LRRC7: variants seen among roughly 807,000 people sequenced by gnomAD.
LRRC7 encodes leucine-rich repeat-containing protein 7.
LRRC7 carries 23 observed loss-of-function variants against 175.7 expected under a neutral mutation model. That is an observed-to-expected ratio of 0.13 (90% CI 0.09 to 0.19). The LOEUF (loss-of-function observed/expected upper bound fraction) is 0.19, where lower values mean the gene tolerates loss of function less well. LRRC7 is among the 10% of genes least tolerant of loss of function. LRRC7 has a pLI of 1.00. For missense variants in LRRC7, 1,354 were observed against 1,904.7 expected (o/e 0.71, Z 5.38); for synonymous variants, 685 against 680.9 (o/e 1.01, Z -0.09).
chr1:69,576,270 A>C (rs1645946099), intron 1 of LRRC7, among the ~76,000 whole-genome samples: 1 of 151,870 alleles, frequency 6.6e-6, no homozygotes, highest in African/African-American at 2.4e-5. Flanking sequence ...AAATAGTAAG[A>C]TCCTTCCTTC....
intron 2 of LRRC7, among the ~76,000 whole-genome samples, chr1:69,704,265 A>T (rs972342442): frequency 6.6e-6 from 1 of 151,960 alleles, no homozygotes; most frequent in Non-Finnish European, 1.5e-5. Flanking sequence ...GATAAAGGGA[A>T]ATACAATTAT....
chr1:69,710,276 C>T (rs1468357293), intron 2 of LRRC7, among the ~76,000 whole-genome samples: 1 of 39,986 alleles, frequency 2.5e-5, no homozygotes, highest in Non-Finnish European at 4.5e-5. Flanking sequence ...AAGACTCCGT[C>T]TCAAAAAAAA....
intron 16 of LRRC7, among the ~76,000 whole-genome samples, chr1:70,022,827 G>A (rs1388645641): frequency 6.6e-6 from 1 of 152,010 alleles, no homozygotes; most frequent in Non-Finnish European, 1.5e-5. Context: ...TAATTTACAT[G>A]AAATTTAAAA....
At chr1:70,035,193 CAT>C (rs1380797441) in intron 18 of LRRC7, among the ~76,000 whole-genome samples, 2 of 152,066 alleles carry the variant, frequency 1.3e-5, no homozygotes, top group Non-Finnish European at 2.9e-5. Context: ...GAAAAGAAGA[CAT>C]AACGATAGCT....
chr1:69,612,356 C>G (rs1045147422), intron 1 of LRRC7, among the ~76,000 whole-genome samples: 1 of 152,074 alleles, frequency 6.6e-6, no homozygotes, highest in Non-Finnish European at 1.5e-5. Flanking sequence ...TATTTCATTT[C>G]GCTAGACTTA....
At chr1:69,759,762 T>C (rs909976834) in intron 2 of LRRC7, among the ~76,000 whole-genome samples, 2 of 152,052 alleles carry the variant, frequency 1.3e-5, no homozygotes, top group Non-Finnish European at 2.9e-5. Flanking sequence ...TGAATATTTT[T>C]ACAGAAATGG....
At chr1:69,644,243 GA>G (rs200188918) in intron 1 of LRRC7, among the ~76,000 whole-genome samples, 11,311 of 76,830 alleles carry the variant, frequency 0.15, 620 homozygotes, top group African/African-American at 0.24. Context: ...CAATTTCCAA[GA>G]GAGAGATATT....
At chr1:69,596,601 G>A (rs1011713980) in intron 1 of LRRC7, among the ~76,000 whole-genome samples, 3 of 152,096 alleles carry the variant, frequency 2.0e-5, no homozygotes, top group Non-Finnish European at 2.9e-5. Context: ...GCTTTAAGTG[G>A]GACAAACTAT....
At chr1:69,640,065 T>G (rs952924865) in intron 1 of LRRC7, among the ~76,000 whole-genome samples, 5 of 151,852 alleles carry the variant, frequency 3.3e-5, no homozygotes, top group East Asian at 3.9e-4. Context: ...TATCATACTC[T>G]CAAAGTTTGT....
intron 2 of LRRC7, among the ~76,000 whole-genome samples, chr1:69,745,501 G>C (rs1440024716): frequency 6.6e-6 from 1 of 151,648 alleles, no homozygotes; most frequent in Non-Finnish European, 1.5e-5. Flanking sequence ...TGTTTACTAA[G>C]GCAATAATTA....
At chr1:70,112,918 A>C (rs1368912343) in intron 26 of LRRC7, among the ~76,000 whole-genome samples, 3 of 152,102 alleles carry the variant, frequency 2.0e-5, no homozygotes, top group African/African-American at 7.2e-5. Flanking sequence ...AATATTGGAG[A>C]GGAAGACCCC....
chr1:69,784,025 GA>G (rs2101036602), intron 3 of LRRC7, among the ~76,000 whole-genome samples: 1 of 152,124 alleles, frequency 6.6e-6, no homozygotes, highest in South Asian at 2.1e-4. Flanking sequence ...GAACATATAA[GA>G]AAGTCGTGTT....
At position 69,592,484 on chromosome 1, in the gene LRRC7, T is replaced by C. The variant is rs183574654; in HGVS notation, c.2+23843T>C. On this transcript the variant is annotated intron_variant, in intron 1 of 26. Coordinates refer to ENST00000651989, the MANE Select transcript of LRRC7 (RefSeq NM_001370785.2). ...TCATAACTTTTAAGCTTTAAGTCGTTACATTAAAAGTACCTAATGCTAGCC... is the reference window on the plus strand; with the variant it reads ...TCATAACTTTTAAGCTTTAAGTCGTCACATTAAAAGTACCTAATGCTAGCC... Among the ~76,000 whole-genome samples, 6 of 152,222 alleles carry C rather than the reference T, an allele frequency of 3.9e-5. No homozygotes were observed. In the East Asian group the frequency reaches 9.7e-4, roughly 24 times the overall value.
chr1:69,921,134 G>A (rs1365046409), intron 7 of LRRC7, among the ~76,000 whole-genome samples: 1 of 152,158 alleles, frequency 6.6e-6, no homozygotes, highest in Non-Finnish European at 1.5e-5. Flanking sequence ...AGATCTGGGG[G>A]GAGAAAGGAG....
At chr1:69,989,306 G>A (rs1254819643) in intron 10 of LRRC7, among the ~76,000 whole-genome samples, 1 of 152,088 alleles carries the variant, frequency 6.6e-6, no homozygotes, top group African/African-American at 2.4e-5. Flanking sequence ...ATGTTAATTA[G>A]CTTGATTCAA....
At chr1:69,850,085 CGTT>C (rs745650250) in intron 7 of LRRC7, among the ~76,000 whole-genome samples, 46 of 151,574 alleles carry the variant, frequency 3.0e-4, no homozygotes, top group Non-Finnish European at 5.2e-4. Flanking sequence ...GTTTTTTTGT[CGTT>C]GTTTTTTCTA....
At chr1:69,858,106 T>C (rs1252137489) in intron 7 of LRRC7, among the ~76,000 whole-genome samples, 2 of 152,096 alleles carry the variant, frequency 1.3e-5, no homozygotes, top group East Asian at 1.9e-4. Context: ...ATACAAAAAT[T>C]AATTCCAGAT....
intron 2 of LRRC7, among the ~76,000 whole-genome samples, chr1:69,754,087 G>T (rs893202203): frequency 6.6e-5 from 10 of 151,984 alleles, no homozygotes; most frequent in Non-Finnish European, 1.5e-4. Flanking sequence ...AATGGGGCTG[G>T]GTGTGAATCT....
intron 8 of LRRC7, among the ~76,000 whole-genome samples, chr1:69,936,919 C>T (rs115249475): frequency 2.0e-5 from 3 of 152,112 alleles, no homozygotes; most frequent in Admixed American, 6.6e-5. Context: ...TTTAACACTG[C>T]GTAGTATACC....
Sources: gnomAD v4.1 joint callset for allele counts (sites outside exome capture counted in the v4.1 genomes callset) on GRCh38, gnomAD v4.1.1 for gene constraint, MANE v1.5 for transcripts, NCBI Gene and HGNC (gene_info 2026-07-23, HGNC 2026-07-21) for gene names.